Variants in TBC1D5 observed in about 807,000 individuals in gnomAD.
The protein encoded by TBC1D5 is TBC1 domain family member 5.
A neutral mutation model predicts 100.3 loss-of-function variants in TBC1D5; 75 were observed. That is an observed-to-expected ratio of 0.75 (90% CI 0.62 to 0.91). TBC1D5 has a LOEUF of 0.91. TBC1D5 is among the 40% of genes least tolerant of loss of function. The pLI, the probability that TBC1D5 is intolerant of heterozygous loss-of-function variation, is 0.00. For synonymous variants in TBC1D5, 323 were observed against 325.6 expected, an observed-to-expected ratio of 0.99 and a Z score of 0.09; for missense variants, 910 against 942.4, an observed-to-expected ratio of 0.97 and a Z score of 0.45.
intron 2 of TBC1D5, among the ~76,000 whole-genome samples, chr3:17,581,025 G>A (rs569460305): frequency 2.0e-5 from 3 of 152,266 alleles, no homozygotes; most frequent in East Asian, 1.9e-4. Context: ...TAATCCCCAC[G>A]TGTCGTGGGA....
At chr3:17,623,554 T>C (rs2062842071) in intron 2 of TBC1D5, among the ~76,000 whole-genome samples, 1 of 152,210 alleles carries the variant, frequency 6.6e-6, no homozygotes, top group South Asian at 2.1e-4. Context: ...AAATCATTTT[T>C]AGTCTAAATC....
chr3:17,616,496 TC>T (rs1191870715), intron 2 of TBC1D5, among the ~76,000 whole-genome samples: 2 of 152,090 alleles, frequency 1.3e-5, no homozygotes, highest in Non-Finnish European at 2.9e-5. Flanking sequence ...AATGTTAAAG[TC>T]TCCCATTATT....
At chr3:17,351,306 A>G (rs1399530220) in intron 13 of TBC1D5, among the ~76,000 whole-genome samples, 1 of 152,212 alleles carries the variant, frequency 6.6e-6, no homozygotes, top group Non-Finnish European at 1.5e-5. Flanking sequence ...CACTGTTCAC[A>G]ATAGCAAAGA....
intron 2 of TBC1D5, among the ~76,000 whole-genome samples, chr3:17,580,978 G>A (rs2096690833): frequency 6.6e-6 from 1 of 152,108 alleles, no homozygotes; most frequent in African/African-American, 2.4e-5. Flanking sequence ...GTTTGGCTGT[G>A]CCCCCACCTA....
chr3:17,496,462 GCACA>G (rs150694074), intron 3 of TBC1D5, among the ~76,000 whole-genome samples: 1 of 147,336 alleles, frequency 6.8e-6, no homozygotes, highest in Non-Finnish European at 1.5e-5. Context: ...ACACACACAC[GCACA>G]CACACACACA....
At chr3:17,738,000 GAA>G (rs1266975388) in intron 1 of TBC1D5, among the ~76,000 whole-genome samples, 1 of 152,056 alleles carries the variant, frequency 6.6e-6, no homozygotes, top group South Asian at 2.1e-4. Flanking sequence ...TGGACATTCA[GAA>G]AAAAAGGTGA....
intron 9 of TBC1D5, among the ~76,000 whole-genome samples, chr3:17,378,386 C>T (rs1405296000): frequency 6.6e-6 from 1 of 151,814 alleles, no homozygotes; most frequent in Non-Finnish European, 1.5e-5. Flanking sequence ...ACATCCTCAC[C>T]TATATTCAGA....
chr3:17,538,150 C>T (rs1361819187), intron 2 of TBC1D5, among the ~76,000 whole-genome samples: 4 of 152,088 alleles, frequency 2.6e-5, no homozygotes, highest in African/African-American at 7.2e-5. Flanking sequence ...ACCCCCACCC[C>T]CTGTTGCCCC....
At chr3:17,255,149 G>A in intron 16 of TBC1D5, among the ~76,000 whole-genome samples, 1 of 152,186 alleles carries the variant, frequency 6.6e-6, no homozygotes, top group Non-Finnish European at 1.5e-5. Context: ...AATATTTGGA[G>A]TAAGAAGAGG....
chr3:17,623,489 T>C (rs557882124), intron 2 of TBC1D5, among the ~76,000 whole-genome samples: 2 of 152,338 alleles, frequency 1.3e-5, no homozygotes, highest in South Asian at 2.1e-4. Context: ...CTGATGATTA[T>C]GTTTTACTAG....
chr3:17,497,810 G>C (rs2150724594), intron 3 of TBC1D5, among the ~76,000 whole-genome samples: 1 of 152,260 alleles, frequency 6.6e-6, no homozygotes, highest in Non-Finnish European at 1.5e-5. Context: ...CTCACACATT[G>C]ACTCATCTCT....
At chr3:17,481,035 C>T (rs2095495841) in intron 3 of TBC1D5, among the ~76,000 whole-genome samples, 1 of 152,204 alleles carries the variant, frequency 6.6e-6, no homozygotes, top group Non-Finnish European at 1.5e-5. Context: ...ACCCTAGAGT[C>T]AGGGGCTCCC....
intron 1 of TBC1D5, among the ~76,000 whole-genome samples, chr3:17,701,726 G>C (rs2073235383): frequency 6.6e-6 from 1 of 152,200 alleles, no homozygotes; most frequent in Middle Eastern, 3.4e-3. Context: ...CAGATGGAAG[G>C]TCTGAGATGC....
intron 2 of TBC1D5, among the ~76,000 whole-genome samples, chr3:17,612,065 C>T (rs1577012754): frequency 6.6e-6 from 1 of 151,950 alleles, no homozygotes. Context: ...TACTGGGAGG[C>T]CAAGCGAGTA....
At chr3:17,458,308 G>C (rs536739424) in intron 3 of TBC1D5, among the ~76,000 whole-genome samples, 2 of 152,176 alleles carry the variant, frequency 1.3e-5, no homozygotes, top group Non-Finnish European at 2.9e-5. Context: ...TACTTAAGGG[G>C]AATGGTAATT....
chr3:17,457,313 A>T (rs142908552), intron 3 of TBC1D5, among the ~76,000 whole-genome samples: 1 of 152,150 alleles, frequency 6.6e-6, no homozygotes, highest in Non-Finnish European at 1.5e-5. Context: ...CAAGACTCCA[A>T]TTACATGTAC....
intron 16 of TBC1D5, among the ~76,000 whole-genome samples, chr3:17,239,039 A>G (rs542925596): frequency 6.6e-6 from 1 of 152,200 alleles, no homozygotes; most frequent in Non-Finnish European, 1.5e-5. Context: ...TCTCGATAGC[A>G]CTTTTCATCA....
chr3:17,558,637 G>C (rs138452096), intron 2 of TBC1D5, among the ~76,000 whole-genome samples: 1 of 152,100 alleles, frequency 6.6e-6, no homozygotes, highest in Non-Finnish European at 1.5e-5. Context: ...GAGGAAAAAC[G>C]GGTTGTTCTC....
chr3:17,530,283 T>C (rs186976580), intron 2 of TBC1D5, among the ~76,000 whole-genome samples: 2 of 142,228 alleles, frequency 1.4e-5, no homozygotes, highest in Non-Finnish European at 3.1e-5. Context: ...TGATCCAACC[T>C]AAAATGCGTA....
Sources: gnomAD v4.1 joint callset for allele counts (sites outside exome capture counted in the v4.1 genomes callset) on GRCh38, gnomAD v4.1.1 for gene constraint, MANE v1.5 for transcripts, NCBI Gene and HGNC (gene_info 2026-07-23, HGNC 2026-07-21) for gene names.